The following LRRC4C variants were observed in gnomAD, a reference collection of about 807,000 sequenced individuals.
LRRC4C encodes leucine-rich repeat-containing protein 4C.
Under a neutral mutation model 33.6 loss-of-function variants are expected in LRRC4C, and 5 were observed. The ratio of observed to expected loss-of-function variants is 0.15; its 90% CI spans 0.08 to 0.31. The LOEUF (loss-of-function observed/expected upper bound fraction) is 0.31. Among genes scored for constraint, LRRC4C ranks in the 10% least tolerant of loss-of-function variants. The pLI, the probability that LRRC4C is intolerant of heterozygous loss-of-function variation, is 1.00. For missense variants in LRRC4C, 560 were observed against 796.7 expected, an observed-to-expected ratio of 0.70 and a Z score of 3.58; for synonymous variants, 329 against 302.0, an observed-to-expected ratio of 1.09 and a Z score of -0.93.
At chr11:40,287,622 T>G (rs1047872168) in intron 4 of LRRC4C, among the ~76,000 whole-genome samples, 4 of 152,172 alleles carry the variant, frequency 2.6e-5, no homozygotes, top group Non-Finnish European at 5.9e-5. Context: ...ACAAAAATTA[T>G]TTTGAAGAAA....
chr11:40,152,565 G>A (rs1464594616), intron 5 of LRRC4C, among the ~76,000 whole-genome samples: 4 of 152,182 alleles, frequency 2.6e-5, no homozygotes, highest in East Asian at 1.9e-4. Context: ...AGTCCCTCTC[G>A]CCCTCTGCCT....
intron 2 of LRRC4C, among the ~76,000 whole-genome samples, chr11:40,909,382 T>A (rs1015937156): frequency 6.6e-6 from 1 of 152,110 alleles, no homozygotes; most frequent in East Asian, 1.9e-4. Flanking sequence ...ATGATAATTA[T>A]ATAGAATACA....
intron 3 of LRRC4C, among the ~76,000 whole-genome samples, chr11:40,452,251 G>A (rs555634228): frequency 9.2e-5 from 14 of 152,246 alleles, no homozygotes; most frequent in African/African-American, 2.6e-4. Context: ...GCAACCTACA[G>A]AATGGGAGAA....
At chr11:40,178,573 T>A (rs1410304748) in intron 5 of LRRC4C, among the ~76,000 whole-genome samples, 1 of 152,212 alleles carries the variant, frequency 6.6e-6, no homozygotes, top group East Asian at 1.9e-4. Flanking sequence ...GTCCCATGTG[T>A]TTTACATTTG....
intron 3 of LRRC4C, among the ~76,000 whole-genome samples, chr11:40,451,908 G>A (rs903988733): frequency 1.1e-4 from 16 of 152,162 alleles, no homozygotes; most frequent in African/African-American, 3.9e-4. Context: ...GAGGTACCAG[G>A]TTCATCTCAC....
At chr11:40,408,604 G>A (rs1315995992) in intron 3 of LRRC4C, among the ~76,000 whole-genome samples, 1 of 151,868 alleles carries the variant, frequency 6.6e-6, no homozygotes, top group African/African-American at 2.4e-5. Flanking sequence ...TAGAACATGG[G>A]TTTGGAAACT....
chr11:40,137,620 G>A (rs1857071021), intron 6 of LRRC4C, among the ~76,000 whole-genome samples: 1 of 152,098 alleles, frequency 6.6e-6, no homozygotes, highest in South Asian at 2.1e-4. Context: ...TGCCTTAAAA[G>A]CTATGAATAT....
chr11:40,259,937 C>T (rs1227390825), intron 4 of LRRC4C, among the ~76,000 whole-genome samples: 2 of 150,486 alleles, frequency 1.3e-5, no homozygotes, highest in African/African-American at 4.9e-5. Flanking sequence ...GAAATAGGAA[C>T]ACTTTTACAC....
intron 2 of LRRC4C, among the ~76,000 whole-genome samples, chr11:40,684,122 T>C (rs1944839717): frequency 6.6e-6 from 1 of 151,982 alleles, no homozygotes; most frequent in Non-Finnish European, 1.5e-5. Context: ...GCAGATGTAG[T>C]AAATAGCTGG....
chr11:40,160,508 A>T (rs1859066288), intron 5 of LRRC4C, among the ~76,000 whole-genome samples: 1 of 152,156 alleles, frequency 6.6e-6, no homozygotes, highest in African/African-American at 2.4e-5. Context: ...AGCCATGAAG[A>T]TATATAAGAT....
intron 3 of LRRC4C, among the ~76,000 whole-genome samples, chr11:40,336,827 A>C (rs1946628939): frequency 6.6e-6 from 1 of 151,972 alleles, no homozygotes; most frequent in Non-Finnish European, 1.5e-5. Flanking sequence ...ATACAAAAAA[A>C]TTAGTCGGGA....
At chr11:40,663,155 A>G (rs1180868896) in intron 2 of LRRC4C, among the ~76,000 whole-genome samples, 1 of 152,116 alleles carries the variant, frequency 6.6e-6, no homozygotes, top group African/African-American at 2.4e-5. Context: ...ATCTCAGCTC[A>G]CTGCAACCTC....
At chr11:40,954,259 T>C (rs1958850345) in intron 1 of LRRC4C, among the ~76,000 whole-genome samples, 1 of 151,934 alleles carries the variant, frequency 6.6e-6, no homozygotes, top group African/African-American at 2.4e-5. Context: ...GGGGTTGATT[T>C]ATAAATCTTG....
At chr11:40,947,452 C>T (rs955002759) in intron 1 of LRRC4C, among the ~76,000 whole-genome samples, 1 of 152,094 alleles carries the variant, frequency 6.6e-6, no homozygotes, top group Admixed American at 6.6e-5. Flanking sequence ...TTTGTCTCTA[C>T]TGAGGCAAGT....
chr11:40,130,800 C>G lies in LRRC4C; in HGVS notation c.-43+10001G>C, dbSNP rs375977338. Among the ~76,000 whole-genome samples the G allele has an allele frequency of 5.1e-4, 78 of 152,200 alleles. 2 individuals carry two copies. The South Asian group carries it at 0.016, about 31-fold the overall frequency. ...CAGTCTAGGCTGCAGTGTGTTCCGACTCTAAAAATACTCCCTCTACTTTTC... is the reference window on the plus strand; with the variant it reads ...CAGTCTAGGCTGCAGTGTGTTCCGAGTCTAAAAATACTCCCTCTACTTTTC... On this transcript the variant is annotated intron_variant, in intron 6 of 6. Coordinates refer to ENST00000528697, the MANE Select transcript of LRRC4C (RefSeq NM_001258419.2).
At chr11:40,741,856 T>C (rs61708401) in intron 2 of LRRC4C, among the ~76,000 whole-genome samples, 89 of 152,136 alleles carry the variant, frequency 5.9e-4, no homozygotes, top group African/African-American at 1.9e-3. Flanking sequence ...ATGCTCTTCA[T>C]TATAAACATT....
chr11:40,783,725 T>C (rs1950306713), intron 2 of LRRC4C, among the ~76,000 whole-genome samples: 1 of 152,230 alleles, frequency 6.6e-6, no homozygotes, highest in African/African-American at 2.4e-5. Context: ...TTTGATGTTA[T>C]TATTTTTAAT....
intron 2 of LRRC4C, among the ~76,000 whole-genome samples, chr11:40,792,377 AAAAT>A (rs1335307332): frequency 1.3e-5 from 2 of 152,220 alleles, no homozygotes; most frequent in Non-Finnish European, 2.9e-5. Flanking sequence ...ATGGTAAATG[AAAAT>A]AAATAGACTT....
At chr11:41,221,265 A>G (rs1565491360) in intron 1 of LRRC4C, among the ~76,000 whole-genome samples, 1 of 151,784 alleles carries the variant, frequency 6.6e-6, no homozygotes, top group Non-Finnish European at 1.5e-5. Context: ...AAAAGAAGAC[A>G]TATGTGCGGC....
Sources: allele counts gnomAD v4.1 joint callset (sites outside exome capture counted in the v4.1 genomes callset), GRCh38; gene constraint gnomAD v4.1.1; transcripts MANE v1.5; gene names NCBI Gene and HGNC (gene_info 2026-07-23, HGNC 2026-07-21).